STYK1: variants seen among roughly 807,000 people sequenced by gnomAD.
STYK1 encodes tyrosine-protein kinase STYK1.
In STYK1, 46 loss-of-function variants were observed where a neutral mutation model predicts 48.1. That is an observed-to-expected ratio of 0.96 (90% CI 0.75 to 1.22). STYK1 has a LOEUF of 1.22. Among genes scored for constraint, STYK1 ranks in the 50% most tolerant of loss-of-function variants. STYK1 has a pLI of 0.00. For synonymous variants in STYK1, 188 were observed against 189.0 expected, an observed-to-expected ratio of 0.99 and a Z score of 0.04; for missense variants, 527 against 521.1, an observed-to-expected ratio of 1.01 and a Z score of -0.11.
rs1226324204 is a variant in STYK1 at position 10,624,650 on chromosome 12, C to T, written c.926+1G>A. 2 of 1,613,780 alleles carry T rather than the reference C, an allele frequency of 1.2e-6. No homozygotes were observed. The highest frequency in any genetic ancestry group is 3.3e-5 in the Admixed American group (2 of 60,018). ...ACTCAGAGTCCAGGAATAAACCGTA[C>T]ACATCTGCTCTGATGCTAGCAGGTC... is the stretch of plus-strand genomic sequence containing the variant. On this transcript the variant is annotated splice_donor_variant, in intron 8 of 10. Transcript: ENST00000075503. LOFTEE classifies it high-confidence loss of function.
intron 1 of STYK1, among the ~76,000 whole-genome samples, chr12:10,662,590 AT>A (rs35662973): frequency 0.22 from 32,688 of 152,022 alleles, 3,713 homozygotes; most frequent in Middle Eastern, 0.34. Flanking sequence ...TGTGGTTTTG[AT>A]TTGCATTTCC....
intron 1 of STYK1, among the ~76,000 whole-genome samples, chr12:10,668,620 C>A (rs915197093): frequency 7.1e-6 from 1 of 141,536 alleles, no homozygotes; most frequent in Non-Finnish European, 1.5e-5. Context: ...CTCTCGAACT[C>A]CTGACCTCAG....
At chr12:10,657,263 C>T (rs536588479) in intron 1 of STYK1, among the ~76,000 whole-genome samples, 7 of 152,174 alleles carry the variant, frequency 4.6e-5, no homozygotes, top group Admixed American at 1.3e-4. Flanking sequence ...CAAAGGGCTC[C>T]TCCCTGAAGC....
chr12:10,648,688 G>C (rs1358217575), intron 1 of STYK1, among the ~76,000 whole-genome samples: 1 of 151,916 alleles, frequency 6.6e-6, no homozygotes, highest in Non-Finnish European at 1.5e-5. Context: ...AGAGTGCAGT[G>C]ATGTGATCTT....
chr12:10,655,956 T>C (rs1947713411), intron 1 of STYK1, among the ~76,000 whole-genome samples: 1 of 152,232 alleles, frequency 6.6e-6, no homozygotes, highest in Admixed American at 6.5e-5. Context: ...GTTTTTTTCT[T>C]CTCAGTTGAC....
intron 5 of STYK1, among the ~76,000 whole-genome samples, chr12:10,629,898 G>T (rs1947403740): frequency 6.6e-6 from 1 of 152,122 alleles, no homozygotes; most frequent in Non-Finnish European, 1.5e-5. Context: ...AACTGGATAG[G>T]CTTTCATCTG....
intron 1 of STYK1, among the ~76,000 whole-genome samples, chr12:10,670,616 G>A (rs1261650429): frequency 1.3e-5 from 2 of 151,456 alleles, no homozygotes; most frequent in Non-Finnish European, 2.9e-5. Context: ...GAAAGGGTAT[G>A]ACCTTATTCC....
At chr12:10,656,039 G>A (rs1007632223) in intron 1 of STYK1, among the ~76,000 whole-genome samples, 1 of 152,118 alleles carries the variant, frequency 6.6e-6, no homozygotes, top group African/African-American at 2.4e-5. Flanking sequence ...CCCATGTGTT[G>A]TGGAAGGGAC....
At chr12:10,662,725 T>C (rs1947790697) in intron 1 of STYK1, among the ~76,000 whole-genome samples, 1 of 152,250 alleles carries the variant, frequency 6.6e-6, no homozygotes, top group Admixed American at 6.5e-5. Context: ...GTCTTTTTAT[T>C]GTGTAAGTAC....
At chr12:10,633,878 T>C in intron 4 of STYK1, 112 bp downstream of exon 4, 1 of 1,322,520 alleles carries the variant, frequency 7.6e-7, no homozygotes, top group East Asian at 2.3e-5. Context: ...CATGCCTCTC[T>C]CATTGCAGGT....
intron 1 of STYK1, among the ~76,000 whole-genome samples, chr12:10,658,253 A>T (rs748897562): frequency 1.9e-4 from 29 of 152,236 alleles, no homozygotes; most frequent in Non-Finnish European, 3.4e-4. Context: ...ACTGCTTACG[A>T]TTGAATAGAT....
chr12:10,625,069 C>A (rs1248225519), intron 7 of STYK1, among the ~76,000 whole-genome samples: 1 of 152,190 alleles, frequency 6.6e-6, no homozygotes, highest in Non-Finnish European at 1.5e-5. Flanking sequence ...GCAAATAATT[C>A]AAATGACATT....
intron 3 of STYK1, 98 bp from the exon 4 acceptor site, chr12:10,634,222 T>C (rs1055055855): frequency 6.5e-5 from 90 of 1,388,314 alleles, no homozygotes; most frequent in Non-Finnish European, 8.4e-5. Flanking sequence ...TCATCATACA[T>C]GAAAAGGTCA....
At chr12:10,640,614 G>A (rs944048944) in intron 1 of STYK1, 10 of 152,220 alleles carry the variant, frequency 6.6e-5, no homozygotes, top group African/African-American at 2.2e-4. Context: ...TTTCCACCAT[G>A]GTGCCTAGGA....
intron 2 of STYK1, among the ~76,000 whole-genome samples, chr12:10,635,005 A>G (rs1209435540): frequency 2.0e-5 from 3 of 152,186 alleles, no homozygotes; most frequent in African/African-American, 7.2e-5. Flanking sequence ...GATCAAGTAC[A>G]GATTCAAAAC....
chr12:10,662,909 T>C (rs1203412238), intron 1 of STYK1, among the ~76,000 whole-genome samples: 1 of 152,232 alleles, frequency 6.6e-6, no homozygotes, highest in African/African-American at 2.4e-5. Context: ...TAAGAAACCA[T>C]TGCCCAACCA....
intron 5 of STYK1, 98 bp from the exon 6 acceptor site, chr12:10,629,772 G>T: frequency 7.2e-7 from 1 of 1,398,292 alleles, no homozygotes; most frequent in Non-Finnish European, 1.0e-6. Flanking sequence ...AATTCTCAAG[G>T]CCCCACATGG....
intron 1 of STYK1, among the ~76,000 whole-genome samples, chr12:10,659,017 T>C (rs1014121904): frequency 2.6e-5 from 4 of 152,190 alleles, no homozygotes; most frequent in Non-Finnish European, 5.9e-5. Flanking sequence ...TGCTCTTGAA[T>C]GCAGGTTTCT....
intron 1 of STYK1, among the ~76,000 whole-genome samples, chr12:10,650,998 C>G (rs1188301135): frequency 2.7e-5 from 3 of 111,746 alleles, no homozygotes; most frequent in African/African-American, 1.1e-4. Context: ...GAGCGAGACT[C>G]CTTCTCAAAA....
Sources: allele counts gnomAD v4.1 joint callset (sites outside exome capture counted in the v4.1 genomes callset), GRCh38; gene constraint gnomAD v4.1.1; transcripts MANE v1.5; gene names NCBI Gene and HGNC (gene_info 2026-07-23, HGNC 2026-07-21).